TRPC4: variants seen among roughly 807,000 people sequenced by gnomAD.
TRPC4 encodes the protein transient receptor potential cation channel subfamily C member 4.
TRPC4 carries 49 observed loss-of-function variants against 99.4 expected under a neutral mutation model. The observed-to-expected ratio is 0.49, with a 90% CI of 0.39 to 0.63. TRPC4 has a LOEUF of 0.63. TRPC4 is among the 20% of genes least tolerant of loss of function. The pLI, the probability that TRPC4 is intolerant of heterozygous loss-of-function variation, is 0.00. For missense variants in TRPC4, 898 were observed against 1,152.9 expected, an observed-to-expected ratio of 0.78 and a Z score of 3.20; for synonymous variants, 454 against 425.9, an observed-to-expected ratio of 1.07 and a Z score of -0.81.
chr13:37,806,401 G>A (rs1012723600), intron 1 of TRPC4, among the ~76,000 whole-genome samples: 4 of 151,986 alleles, frequency 2.6e-5, no homozygotes, highest in African/African-American at 9.7e-5. Flanking sequence ...GTACTGTACA[G>A]AACAAGGTAA....
chr13:37,688,047 T>C (rs1181398897), intron 4 of TRPC4, among the ~76,000 whole-genome samples: 2 of 152,232 alleles, frequency 1.3e-5, no homozygotes, highest in South Asian at 2.1e-4. Flanking sequence ...GTAAAGCTTT[T>C]TGGCTTTCTT....
At chr13:37,747,634 G>A (rs1955823221) in intron 2 of TRPC4, among the ~76,000 whole-genome samples, 1 of 152,112 alleles carries the variant, frequency 6.6e-6, no homozygotes, top group Non-Finnish European at 1.5e-5. Flanking sequence ...CTTCATTAAT[G>A]CTACTTTTAA....
At chr13:37,819,956 C>T (rs1223043863) in intron 1 of TRPC4, among the ~76,000 whole-genome samples, 1 of 150,918 alleles carries the variant, frequency 6.6e-6, no homozygotes, top group Non-Finnish European at 1.5e-5. Flanking sequence ...CAGAGATGAA[C>T]CAAAGGAAAT....
At chr13:37,776,340 A>C (rs770060156) in intron 2 of TRPC4, among the ~76,000 whole-genome samples, 5 of 152,084 alleles carry the variant, frequency 3.3e-5, no homozygotes, top group Admixed American at 2.6e-4. Context: ...ATAAATCGAT[A>C]TATAAAGAAA....
chr13:37,663,840 CT>C (rs1952540512), intron 5 of TRPC4, 111 bp from the exon 6 acceptor site: 2 of 1,046,624 alleles, frequency 1.9e-6, no homozygotes, highest in African/African-American at 1.6e-5. Flanking sequence ...TAATTGATGA[CT>C]TTGTTTTCGA....
Position 37,829,543 on chromosome 13 carries a change from A to T in TRPC4, c.-28+40052T>A, listed in dbSNP as rs561394724. 1.7e-4 allele frequency among the ~76,000 whole-genome samples: 26 copies of T among 152,344 alleles called. No homozygotes were observed. In the South Asian group the frequency reaches 5.4e-3, roughly 32 times the overall value. On this transcript the variant is annotated intron_variant, in intron 1 of 10. Coordinates refer to ENST00000379705, the MANE Select transcript of TRPC4 (RefSeq NM_016179.4). ...TGCATTGCTGGTTGGATTGGGAACC[A>T]ATAAAACCAGTTGGATCAGCCACTT...
intron 3 of TRPC4, among the ~76,000 whole-genome samples, chr13:37,724,739 C>T (rs1469737148): frequency 1.3e-5 from 2 of 152,034 alleles, no homozygotes; most frequent in Non-Finnish European, 2.9e-5. Context: ...TTTGGCAAGG[C>T]CCAAGATTCC....
chr13:37,869,508 G>A (rs1960022158), intron 1 of TRPC4, 87 bp downstream of exon 1: 1 of 152,262 alleles, frequency 6.6e-6, no homozygotes, highest in South Asian at 2.1e-4. Context: ...GGCTTCCCAG[G>A]CAGCTTAGGA....
At chr13:37,716,054 A>G (rs573971675) in intron 3 of TRPC4, among the ~76,000 whole-genome samples, 1 of 152,330 alleles carries the variant, frequency 6.6e-6, no homozygotes, top group African/African-American at 2.4e-5. Context: ...GTTAGAATGT[A>G]ATATGTTGTT....
At chr13:37,826,576 C>T (rs376302316) in intron 1 of TRPC4, among the ~76,000 whole-genome samples, 2 of 151,454 alleles carry the variant, frequency 1.3e-5, no homozygotes, top group South Asian at 2.1e-4. Context: ...GAAAATTCTT[C>T]TCTTTAAGAA....
At position 37,635,940 on chromosome 13, in the gene TRPC4, T is replaced by G. The variant is rs930312543; in HGVS notation, c.*963A>C. Among the ~76,000 whole-genome samples the G allele has an allele frequency of 6.6e-6, 1 of 152,114 alleles. No homozygotes were observed. The highest frequency in any genetic ancestry group is 1.5e-5 in the Non-Finnish European group (1 of 67,988). ...GAGACTGCTAGTTTTTTTGTACTTC[T>G]TTTGAATTGATTACAATATTGCGTT... On this transcript the variant is annotated 3_prime_UTR_variant, in exon 11 of 11. Coordinates refer to ENST00000379705, the MANE Select transcript of TRPC4 (RefSeq NM_016179.4).
In TRPC4 at chr13:37,632,456, T is replaced by C. The variant is rs74631096; in HGVS notation, c.*4447A>G. Among the ~76,000 whole-genome samples the C allele has an allele frequency of 6.6e-6, 1 of 152,352 alleles. No homozygotes were observed. The highest frequency in any genetic ancestry group is 1.9e-4 in the East Asian group (1 of 5,182). On this transcript the variant is annotated 3_prime_UTR_variant, in exon 11 of 11. Coordinates refer to ENST00000379705, the MANE Select transcript of TRPC4 (RefSeq NM_016179.4). ...ACTTACAGCACATCTTAATTCAGAC[T>C]TGTCACACTTACAAGTGATTAATAG... is the stretch of plus-strand genomic sequence containing the variant.
intron 1 of TRPC4, among the ~76,000 whole-genome samples, chr13:37,826,680 G>T (rs1166228842): frequency 6.6e-6 from 1 of 152,032 alleles, no homozygotes; most frequent in Non-Finnish European, 1.5e-5. Flanking sequence ...AGGGTAACCC[G>T]ACCTTTCTCT....
At chr13:37,657,310 G>C (rs1362284143) in intron 6 of TRPC4, among the ~76,000 whole-genome samples, 1 of 152,182 alleles carries the variant, frequency 6.6e-6, no homozygotes, top group Non-Finnish European at 1.5e-5. Context: ...CCAGGTGCCA[G>C]ATTCCAACAA....
At chr13:37,810,621 AAGTT>A (rs1423145498) in intron 1 of TRPC4, among the ~76,000 whole-genome samples, 1 of 152,118 alleles carries the variant, frequency 6.6e-6, no homozygotes, top group Non-Finnish European at 1.5e-5. Flanking sequence ...TTGAACTGTG[AAGTT>A]AGTTAACAAA....
chr13:37,826,032 CT>C, intron 1 of TRPC4, among the ~76,000 whole-genome samples: 1 of 138,622 alleles, frequency 7.2e-6, no homozygotes, highest in Non-Finnish European at 1.5e-5. Flanking sequence ...ATGTAATGGC[CT>C]TCTTTGTCTC....
chr13:37,692,913 T>C (rs1033036918), intron 3 of TRPC4, among the ~76,000 whole-genome samples: 2 of 152,194 alleles, frequency 1.3e-5, no homozygotes, highest in African/African-American at 4.8e-5. Context: ...AAGAAAGTAG[T>C]ATTCACCAGA....
intron 1 of TRPC4, among the ~76,000 whole-genome samples, chr13:37,838,578 A>G (rs963460888): frequency 2.0e-5 from 3 of 152,182 alleles, no homozygotes; most frequent in Non-Finnish European, 4.4e-5. Context: ...AATAACTCAG[A>G]TGATTTCTTT....
At chr13:37,655,389 A>ATGCC in intron 6 of TRPC4, 106 bp from the exon 7 acceptor site, 1 of 376,568 alleles carries the variant, frequency 2.7e-6, no homozygotes, top group Non-Finnish European at 4.2e-6. Context: ...ATATATAATT[A>ATGCC]ACTTAAACAT....
Sources: gnomAD v4.1 joint callset for allele counts (sites outside exome capture counted in the v4.1 genomes callset) on GRCh38, gnomAD v4.1.1 for gene constraint, MANE v1.5 for transcripts, NCBI Gene and HGNC (gene_info 2026-07-23, HGNC 2026-07-21) for gene names.